The following ZFHX4 variants were observed in gnomAD, a reference collection of about 807,000 sequenced individuals.
The protein encoded by ZFHX4 is zinc finger homeobox 4.
ZFHX4 carries 56 observed loss-of-function variants against 267.6 expected under a neutral mutation model. The observed-to-expected ratio is 0.21, with a 90% confidence interval of 0.17 to 0.26. The LOEUF (loss-of-function observed/expected upper bound fraction) is 0.26. ZFHX4 is among the 10% of genes least tolerant of loss of function. The pLI, the probability that ZFHX4 is intolerant of heterozygous loss-of-function variation, is 1.00. For synonymous variants in ZFHX4, 1,778 were observed against 1,665.6 expected, an observed-to-expected ratio of 1.07 and a Z score of -1.64; for missense variants, 4,332 against 4,420.0, an observed-to-expected ratio of 0.98 and a Z score of 0.56.
At chr8:76,798,020 C>T (rs1027492812) in intron 4 of ZFHX4, among the ~76,000 whole-genome samples, 3 of 151,644 alleles carry the variant, frequency 2.0e-5, no homozygotes, top group Admixed American at 1.3e-4. Context: ...TAATGTGTTG[C>T]CATTTTTGTA....
At position 76,856,129 on chromosome 8, in the gene ZFHX4, G is replaced by T. The variant is rs1276134117; in HGVS notation, c.9208G>T (p.Ala3070Ser). 10 of 1,613,868 alleles carry T rather than the reference G, an allele frequency of 6.2e-6. No individual in the cohort carries two copies. Among genetic ancestry groups the T allele is most frequent in the Non-Finnish European group, 8.5e-6 (10 of 1,179,874 alleles). Reference sequence around the variant, plus strand: ...GCAAGAACTTGATCGTATAAAGAAAGCTTCAGACGTGCTGGGCTTGACGGT... The same window carrying T: ...GCAAGAACTTGATCGTATAAAGAAATCTTCAGACGTGCTGGGCTTGACGGT... ...AQQELDRIKK[A>S]SDVLGLTVQQ... is the part of the protein sequence containing the mutation. Residue 3070 changes from alanine to serine, a missense_variant, in exon 10 of 11, where the codon GCT (alanine) becomes TCT (serine). Physicochemically the swap from Ala to Ser is moderately conservative, Grantham distance 99 (BLOSUM62 1). Coordinates refer to ENST00000651372, the MANE Select transcript of ZFHX4 (RefSeq NM_024721.5).
intron 1 of ZFHX4, among the ~76,000 whole-genome samples, chr8:76,691,380 A>C (rs1807819353): frequency 6.6e-6 from 1 of 152,204 alleles, no homozygotes; most frequent in African/African-American, 2.4e-5. Context: ...TCATAATCAT[A>C]AACATGGTGT....
chr8:76,713,909 C>CACCACCACCACCGCCACGT (rs1808497264), intron 3 of ZFHX4, among the ~76,000 whole-genome samples: 1 of 151,828 alleles, frequency 6.6e-6, no homozygotes. Flanking sequence ...CACACACGAC[C>CACCACCACCACCGCCACGT]ACCACCACCA....
chr8:76,693,511 G>A (rs1285857347), intron 1 of ZFHX4: 1 of 151,012 alleles, frequency 6.6e-6, no homozygotes, highest in African/African-American at 2.4e-5. Context: ...GAGTGTGTAT[G>A]TGTGCGTGTG....
At chr8:76,740,733 T>G (rs369782925) in intron 3 of ZFHX4, among the ~76,000 whole-genome samples, 6 of 152,064 alleles carry the variant, frequency 3.9e-5, no homozygotes, top group East Asian at 1.9e-4. Context: ...ACATGACAAC[T>G]GAGAGGGCAA....
chr8:76,855,702 G>A lies in ZFHX4; in HGVS notation c.8781G>A (p.Pro2927=), dbSNP rs1810605909. The A allele has an allele frequency of 1.2e-6, 2 of 1,613,724 alleles. No individual in the cohort carries two copies. Among genetic ancestry groups the A allele is most frequent in the African/African-American group, 2.7e-5 (2 of 74,884 alleles). ...TTAAATCCAAAAGTAATGATCGGCC[G>A]GGTCACAAGCGTTTTCGAACGCAAA... ...NPFKSKSNDR[P]GHKRFRTQMS... Residue 2927 remains proline, a synonymous_variant, in exon 10 of 11, where the codon CCG becomes CCA. Transcript: ENST00000651372.
rs113906809 is a variant in ZFHX4, at chr8:76,854,100, A to G, written c.7179A>G (p.Pro2393=). The G allele has an allele frequency of 0.027, 43,751 of 1,613,800 alleles. 719 individuals carry two copies. Among genetic ancestry groups the G allele is most frequent in the Non-Finnish European group, 0.031 (36,806 of 1,179,816 alleles). ...SGSGTSTPLI[P]SPKPEPEKTS... ...CTGGGACCAGCACCCCCCTGATTCC[A>G]TCACCCAAACCAGAACCTGAGAAGA... The change falls in exon 10 of 11, where the codon CCA becomes CCG. Residue 2393 remains proline (P), a synonymous_variant. Transcript: ENST00000651372.
rs1333093577 is a variant in ZFHX4, at chr8:76,716,828, CT to C, written c.3093+8784del. Among the ~76,000 whole-genome samples, 10 of 152,218 alleles carry C rather than the reference CT, an allele frequency of 6.6e-5. No individual in the cohort carries two copies. In the East Asian group the frequency reaches 1.7e-3, roughly 26 times the overall value. On this transcript the variant is annotated intron_variant, in intron 3 of 10. Transcript: ENST00000651372. The stretch of plus-strand genomic sequence containing the variant: ...ATGACAGAGATTTTTAAAAGTCTTC[CT>C]TTTACTGGCATGTTTGGGTATTTGG...
At chr8:76,780,792 A>G (rs1810526227) in intron 4 of ZFHX4, among the ~76,000 whole-genome samples, 1 of 152,168 alleles carries the variant, frequency 6.6e-6, no homozygotes, top group Non-Finnish European at 1.5e-5. Flanking sequence ...GGCAAAAATC[A>G]GCTGTGGCAT....
At position 76,854,024 on chromosome 8, in the gene ZFHX4, G is replaced by A; in HGVS notation, c.7103G>A (p.Gly2368Asp). 6.2e-7 allele frequency: 1 copy of A among 1,613,912 alleles called. No homozygotes were observed. The highest frequency in any genetic ancestry group is 8.5e-7 in the Non-Finnish European group (1 of 1,179,872). The change falls in exon 10 of 11, where the codon GGC becomes GAC. Residue 2368 changes from glycine (G) to aspartate (D), a missense_variant. Gly to Asp is a moderately conservative substitution (Grantham distance 94). This residue lies in a region of ZFHX4 where 1,648 missense variants were observed against 1,625.0 expected (regional missense o/e 1.01). Transcript: ENST00000651372. ...QVVYKHCTVS[G>D]QTDAAKNAAA... ...GTATACAAGCATTGCACAGTGTCTG[G>A]CCAAACGGATGCAGCTAAAAACGCT...
intron 4 of ZFHX4, among the ~76,000 whole-genome samples, chr8:76,800,598 T>C (rs1185293057): frequency 1.3e-5 from 2 of 152,176 alleles, no homozygotes; most frequent in Non-Finnish European, 2.9e-5. Context: ...AATAAATGTA[T>C]ACATCAAGGC....
At chr8:76,785,103 G>C (rs1329179852) in intron 4 of ZFHX4, among the ~76,000 whole-genome samples, 2 of 151,838 alleles carry the variant, frequency 1.3e-5, no homozygotes, top group Non-Finnish European at 2.9e-5. Context: ...TTAATCATCA[G>C]GGCAAAAATA....
chr8:76,710,050 T>TA (rs1808384461), intron 3 of ZFHX4, among the ~76,000 whole-genome samples: 1 of 152,194 alleles, frequency 6.6e-6, no homozygotes, highest in Non-Finnish European at 1.5e-5. Context: ...ACTCTTTCCT[T>TA]AAAAATGTTA....
Position 76,855,078 on chromosome 8 carries a change from T to TG in ZFHX4, c.8162dup (p.Glu2722ArgfsTer10). On this transcript the variant is annotated frameshift_variant, in exon 10 of 11. Transcript: ENST00000651372. LOFTEE classifies it high-confidence loss of function. ...CAAGCCCTTTAATATCCACCGAAGA[T>TG]GGGGGAGAAAGCCCACAGAAATACA... is the stretch of plus-strand genomic sequence containing the variant. The TG allele has an allele frequency of 6.2e-7, 1 of 1,613,706 alleles. No individual in the cohort carries two copies. The highest frequency in any genetic ancestry group is 8.5e-7 in the Non-Finnish European group (1 of 1,179,800).
chr8:76,854,563 A>T lies in ZFHX4; in HGVS notation c.7642A>T (p.Thr2548Ser), dbSNP rs769562757. 6.2e-7 allele frequency: 1 copy of T among 1,613,858 alleles called. No homozygotes were observed. Among genetic ancestry groups the T allele is most frequent in the East Asian group, 2.2e-5 (1 of 44,862 alleles). The stretch of plus-strand genomic sequence containing the variant: ...ATTTGACCCCAACAATCCGCTGATG[A>T]CTGGACAACTGCTGGGCAGTTCCCT... ...MIFDPNNPLM[T>S]GQLLGSSLTQ... Residue 2548 changes from threonine to serine, a missense_variant, in exon 10 of 11, where the codon ACT becomes TCT. Thr to Ser is a moderately conservative substitution (Grantham distance 58, BLOSUM62 1). This residue lies in a region of ZFHX4 where 1,648 missense variants were observed against 1,625.0 expected (regional missense o/e 1.01). Coordinates refer to ENST00000651372, the MANE Select transcript of ZFHX4 (RefSeq NM_024721.5).
intron 2 of ZFHX4, 70 bp downstream of exon 2, chr8:76,706,748 A>T (rs2131612511): frequency 6.9e-7 from 1 of 1,439,802 alleles, no homozygotes; most frequent in African/African-American, 1.4e-5. Context: ...TGATGCACCC[A>T]GATAAAATGG....
chr8:76,858,986 G>A (rs943936589), intron 10 of ZFHX4, among the ~76,000 whole-genome samples: 2 of 152,192 alleles, frequency 1.3e-5, no homozygotes, highest in African/African-American at 4.8e-5. Context: ...ACTAAAAATC[G>A]CTTCAGTGAA....
At chr8:76,814,453 C>T (rs529715794) in intron 4 of ZFHX4, among the ~76,000 whole-genome samples, 1 of 152,142 alleles carries the variant, frequency 6.6e-6, no homozygotes, top group Admixed American at 6.6e-5. Flanking sequence ...GACCCATGGA[C>T]CCAGGAATTC....
At chr8:76,688,778 A>T (rs913373338) in intron 1 of ZFHX4, among the ~76,000 whole-genome samples, 4 of 152,104 alleles carry the variant, frequency 2.6e-5, no homozygotes, top group South Asian at 2.1e-4. Flanking sequence ...TTCTGGTTTG[A>T]GGTCACCACA....
Sources: allele counts gnomAD v4.1 joint callset (sites outside exome capture counted in the v4.1 genomes callset), GRCh38; gene constraint gnomAD v4.1.1; regional missense constraint gnomAD v4.1.1; transcripts MANE v1.5; gene names NCBI Gene and HGNC (gene_info 2026-07-23, HGNC 2026-07-21).